The following ATR variants were observed in gnomAD, a reference collection of about 807,000 sequenced individuals.
ATR encodes the protein serine/threonine-protein kinase ATR.
A neutral mutation model predicts 305.3 loss-of-function variants in ATR; 142 were observed. That is an observed-to-expected ratio of 0.47 (90% CI 0.41 to 0.53). The LOEUF (loss-of-function observed/expected upper bound fraction) is 0.53. ATR is among the 20% of genes least tolerant of loss of function. The probability of loss-of-function intolerance (pLI) is 0.00; values close to 1 mark genes in which losing one functional copy is unlikely to be tolerated. For synonymous variants in ATR, 1,050 were observed against 1,068.1 expected, an observed-to-expected ratio of 0.98 and a Z score of 0.33; for missense variants, 2,135 against 3,133.1, an observed-to-expected ratio of 0.68 and a Z score of 7.60.
At position 142,451,581 on chromosome 3, in the gene ATR, G is replaced by A; in HGVS notation, c.7761+1547C>T. 4.6e-6 allele frequency: 6 copies of A among 1,311,250 alleles called. No individual in the cohort carries two copies. The South Asian group carries it at 7.9e-5, about 17-fold the overall frequency. 81.2% of individuals were successfully genotyped at this position (1,311,250 alleles called of 1,614,324 possible). A position where few individuals can be genotyped will look rare whatever the true frequency, so the allele number is the denominator to read the frequency against. The stretch of plus-strand genomic sequence containing the variant: ...TCTGTATGCTTCATCCCAGCAGTTG[G>A]AAGGATCTGAGTATGATGCCAAGGG... On this transcript the variant is annotated intron_variant, in intron 46 of 46. Coordinates refer to ENST00000350721, the MANE Select transcript of ATR (RefSeq NM_001184.4).
chr3:142,510,115 GAAAAAAA>G (rs397760180), intron 27 of ATR, among the ~76,000 whole-genome samples: 3 of 95,306 alleles, frequency 3.1e-5, no homozygotes, highest in Non-Finnish European at 6.1e-5. Context: ...GACTGTCTCA[GAAAAAAA>G]AAAAAAAAAA....
At chr3:142,501,935 T>C (rs367691754) in intron 30 of ATR, among the ~76,000 whole-genome samples, 1 of 152,118 alleles carries the variant, frequency 6.6e-6, no homozygotes, top group East Asian at 1.9e-4. Flanking sequence ...TTAGTAGAGA[T>C]GGGGTTTTAC....
rs769921545 is a variant in ATR at position 142,515,376 on chromosome 3, A to T, written c.4503+19T>A. On this transcript the variant is annotated intron_variant, in intron 25 of 46. Coordinates refer to ENST00000350721, the MANE Select transcript of ATR (RefSeq NM_001184.4). ...TTTAGAATTTCCATTCAGTTAACAAACTGAACAGGGTTTCTTACCTTTGTA... is the reference window on the plus strand; with the variant it reads ...TTTAGAATTTCCATTCAGTTAACAATCTGAACAGGGTTTCTTACCTTTGTA... 6.2e-7 allele frequency: 1 copy of T among 1,613,598 alleles called. No homozygotes were observed. The highest frequency in any genetic ancestry group is 1.1e-5 in the South Asian group (1 of 91,028).
chr3:142,518,386 G>C, intron 24 of ATR, among the ~76,000 whole-genome samples: 1 of 152,084 alleles, frequency 6.6e-6, no homozygotes, highest in East Asian at 1.9e-4. Context: ...GCATGGCGGT[G>C]CACGCCTGTA....
rs2070934351 is a variant in ATR, at chr3:142,457,596, G to T, written c.7655+8C>A. The stretch of plus-strand genomic sequence containing the variant: ...CTGTTAAATTATTTACAAAGTATAG[G>T]TGATTACCTCATTAAAGGCTCTCGC... On this transcript the variant is annotated splice_region_variant and intron_variant, in intron 45 of 46. Coordinates refer to ENST00000350721, the MANE Select transcript of ATR (RefSeq NM_001184.4). 6.2e-7 allele frequency: 1 copy of T among 1,613,760 alleles called. No homozygotes were observed. Among genetic ancestry groups the T allele is most frequent in the Non-Finnish European group, 8.5e-7 (1 of 1,179,850 alleles).
At chr3:142,553,489 G>T in intron 12 of ATR, 91 bp from the exon 13 acceptor site, 1 of 1,471,430 alleles carries the variant, frequency 6.8e-7, no homozygotes, top group Non-Finnish European at 9.4e-7. Context: ...CAATATCCCA[G>T]AAACAAACGG....
intron 17 of ATR, 114 bp downstream of exon 17, chr3:142,542,551 T>C (rs1255994987): frequency 5.1e-6 from 5 of 983,246 alleles, no homozygotes; most frequent in East Asian, 5.2e-5. Context: ...TCTTCAGCAA[T>C]AGAGAATGTC....
chr3:142,469,497 T>C lies in ATR; in HGVS notation c.6392A>G (p.Asn2131Ser). 6.2e-7 allele frequency: 1 copy of C among 1,613,900 alleles called. No individual in the cohort carries two copies. The change falls in exon 38 of 47, where the codon AAC becomes AGC. Residue 2131 changes from asparagine (N) to serine (S), a missense_variant. Coordinates refer to ENST00000350721, the MANE Select transcript of ATR (RefSeq NM_001184.4). The stretch of plus-strand genomic sequence containing the variant: ...CAAAAATTGATATGGAGCTAAATAG[T>C]TTGTATGCTCTGTGATAACCTTGTT... Reference protein sequence around the residue: ...KINKVITEHTNYLAPYQFLTA... With the variant: ...KINKVITEHTSYLAPYQFLTA...
At chr3:142,540,785 A>G (rs951975929) in intron 18 of ATR, 119 bp downstream of exon 18, 20 of 1,217,460 alleles carry the variant, frequency 1.6e-5, no homozygotes, top group Middle Eastern at 2.7e-4. Flanking sequence ...ACAAATAAAT[A>G]GTCTTTCTAC....
intron 23 of ATR, among the ~76,000 whole-genome samples, chr3:142,521,963 G>A (rs1305308227): frequency 1.3e-5 from 2 of 152,180 alleles, no homozygotes; most frequent in East Asian, 1.9e-4. Flanking sequence ...CTACTGTGGG[G>A]AAAATGGTAT....
chr3:142,545,770 C>A (rs1219804776), intron 16 of ATR, among the ~76,000 whole-genome samples: 1 of 151,960 alleles, frequency 6.6e-6, no homozygotes, highest in Non-Finnish European at 1.5e-5. Context: ...AGGATTTGCT[C>A]ATTAATTATA....
chr3:142,568,626 G>A lies in ATR; in HGVS notation c.60-472C>T, dbSNP rs548069827. On this transcript the variant is annotated intron_variant, in intron 1 of 46. Transcript: ENST00000350721. ...AGGGTCGGGAGCCCAGCCATCCTGG[G>A]TGCAGCTGCAGCCGCCCAACCACGG... 4.6e-5 allele frequency among the ~76,000 whole-genome samples: 7 copies of A among 152,332 alleles called. No individual in the cohort carries two copies. In the South Asian group the frequency reaches 1.2e-3, roughly 27 times the overall value.
intron 19 of ATR, among the ~76,000 whole-genome samples, chr3:142,536,924 C>T (rs925043021): frequency 6.6e-6 from 1 of 152,136 alleles, no homozygotes; most frequent in Non-Finnish European, 1.5e-5. Context: ...CTTGTCAGGG[C>T]TATAATTTTT....
At chr3:142,525,859 G>A (rs2033369880) in intron 21 of ATR, among the ~76,000 whole-genome samples, 2 of 152,278 alleles carry the variant, frequency 1.3e-5, no homozygotes, top group South Asian at 2.1e-4. Context: ...ACCCTCACCA[G>A]AAGCAGATGC....
At chr3:142,551,272 T>C (rs1428398324) in intron 13 of ATR, among the ~76,000 whole-genome samples, 1 of 151,758 alleles carries the variant, frequency 6.6e-6, no homozygotes, top group Non-Finnish European at 1.5e-5. Flanking sequence ...GATAAATAAA[T>C]AAAAATTAGC....
chr3:142,550,947 C>T lies in ATR; in HGVS notation c.2806-645G>A, dbSNP rs913152638. 1.5e-4 allele frequency among the ~76,000 whole-genome samples: 23 copies of T among 152,162 alleles called. 1 individual carries two copies. The highest frequency in any genetic ancestry group is 5.8e-4 in the East Asian group (3 of 5,180). ...GGATTACAGATGCCCGCCCCATGCC[C>T]GGTTAATTTTTGTATTTTTAGTAGA... On this transcript the variant is annotated intron_variant, in intron 13 of 46. Coordinates refer to ENST00000350721, the MANE Select transcript of ATR (RefSeq NM_001184.4).
At chr3:142,475,092 T>C (rs1266004285) in intron 36 of ATR, among the ~76,000 whole-genome samples, 1 of 152,160 alleles carries the variant, frequency 6.6e-6, no homozygotes, top group Non-Finnish European at 1.5e-5. Context: ...CATGTTATGT[T>C]TTATATATAT....
rs376286942 is a variant in ATR, at chr3:142,556,091, A to G, written c.2127T>C (p.Ser709=). 6.2e-7 allele frequency: 1 copy of G among 1,613,372 alleles called. No homozygotes were observed. The highest frequency in any genetic ancestry group is 1.3e-5 in the African/African-American group (1 of 74,918). ...GAGTACAGACAAGTTGACCAAGTAT[A>G]GAAGCAAATTCTTTCTTGACAATGT... ...DSDIVKKEFA[S]ILGQLVCTLH... Residue 709 remains serine, a synonymous_variant, in exon 10 of 47, where the codon TCT becomes TCC. Coordinates refer to ENST00000350721, the MANE Select transcript of ATR (RefSeq NM_001184.4).
At chr3:142,522,630 A>T (rs2033195586) in intron 23 of ATR, 98 bp downstream of exon 23, 3 of 1,029,574 alleles carry the variant, frequency 2.9e-6, no homozygotes, top group Non-Finnish European at 3.0e-6. Flanking sequence ...GATAAAAGTG[A>T]GAATTAAAAC....
Sources: gnomAD v4.1 joint callset for allele counts (sites outside exome capture counted in the v4.1 genomes callset) on GRCh38, gnomAD v4.1.1 for gene constraint, MANE v1.5 for transcripts, NCBI Gene and HGNC (gene_info 2026-07-23, HGNC 2026-07-21) for gene names.